Variants in ABTB2 observed in about 807,000 individuals in gnomAD.
ABTB2 encodes ankyrin repeat and BTB domain containing 2, also known as ankyrin repeat and BTB/POZ domain-containing protein 2.
Under a neutral mutation model 104.1 loss-of-function variants are expected in ABTB2, and 56 were observed. That is an observed-to-expected ratio of 0.54 (90% CI 0.43 to 0.67). ABTB2 has a LOEUF of 0.67. ABTB2 is among the 30% of genes least tolerant of loss of function. ABTB2 has a pLI of 0.00. For synonymous variants in ABTB2, 606 were observed against 608.2 expected (o/e 1.00, Z 0.05); for missense variants, 1,279 against 1,407.7 (o/e 0.91, Z 1.46).
At chr11:34,282,253 G>C (rs1041300959) in intron 1 of ABTB2, among the ~76,000 whole-genome samples, 2 of 152,126 alleles carry the variant, frequency 1.3e-5, no homozygotes, top group African/African-American at 4.8e-5. Flanking sequence ...TATGAATCTG[G>C]GGTGGGGAGG....
intron 1 of ABTB2, among the ~76,000 whole-genome samples, chr11:34,247,587 A>G (rs1393676522): frequency 1.3e-5 from 2 of 152,222 alleles, no homozygotes; most frequent in Admixed American, 6.5e-5. Context: ...TATATTTTCA[A>G]TTTACAATGG....
Position 34,232,982 on chromosome 11 carries a change from C to T in ABTB2, c.884-28292G>A, listed in dbSNP as rs150886641. On this transcript the variant is annotated intron_variant, in intron 1 of 16. Coordinates refer to ENST00000435224, the MANE Select transcript of ABTB2 (RefSeq NM_145804.3). ...CTCAAAAAACCCCCTAACCTCCCCC[C>T]AAAACCCCAAATGCCCCGCAAAACA... Among the ~76,000 whole-genome samples, 298 of 151,624 alleles carry T rather than the reference C, an allele frequency of 2.0e-3. 2 individuals are homozygous for T. Among genetic ancestry groups the T allele is most frequent in the African/African-American group, 7.0e-3 (291 of 41,326 alleles).
At chr11:34,185,177 G>T (rs1853081370) in intron 3 of ABTB2, among the ~76,000 whole-genome samples, 1 of 152,218 alleles carries the variant, frequency 6.6e-6, no homozygotes, top group Non-Finnish European at 1.5e-5. Flanking sequence ...ATTGTCAGCT[G>T]AAGAGTTTCT....
intron 1 of ABTB2, among the ~76,000 whole-genome samples, chr11:34,319,887 C>G (rs1421270547): frequency 3.3e-5 from 5 of 152,054 alleles, no homozygotes; most frequent in Non-Finnish European, 1.5e-5. Flanking sequence ...AGGCTGGTCT[C>G]GAACTCCTGA....
At chr11:34,297,071 A>T (rs1854631456) in intron 1 of ABTB2, among the ~76,000 whole-genome samples, 1 of 152,230 alleles carries the variant, frequency 6.6e-6, no homozygotes, top group African/African-American at 2.4e-5. Context: ...AAAAGGACTT[A>T]CCATGCAAAG....
chr11:34,330,357 T>G (rs1396867946), intron 1 of ABTB2, among the ~76,000 whole-genome samples: 1 of 152,220 alleles, frequency 6.6e-6, no homozygotes, highest in Non-Finnish European at 1.5e-5. Flanking sequence ...CTCAGTTTCC[T>G]TCTTTGTAAA....
chr11:34,274,905 C>T (rs1854366035), intron 1 of ABTB2, among the ~76,000 whole-genome samples: 1 of 152,140 alleles, frequency 6.6e-6, no homozygotes, highest in Admixed American at 6.5e-5. Flanking sequence ...GCCAGCCATT[C>T]CAGACTAAGC....
chr11:34,181,821 T>G (rs1234539414), intron 3 of ABTB2, among the ~76,000 whole-genome samples: 1 of 152,188 alleles, frequency 6.6e-6, no homozygotes, highest in Non-Finnish European at 1.5e-5. Context: ...AGGCAAGAGA[T>G]GACGATCAAG....
chr11:34,306,643 G>T (rs1854776184), intron 1 of ABTB2, among the ~76,000 whole-genome samples: 1 of 151,952 alleles, frequency 6.6e-6, no homozygotes, highest in African/African-American at 2.4e-5. Flanking sequence ...AGGATGGCTT[G>T]AGCCCAGGAG....
chr11:34,340,808 C>A (rs1855253452), intron 1 of ABTB2, among the ~76,000 whole-genome samples: 2 of 152,222 alleles, frequency 1.3e-5, no homozygotes, highest in Admixed American at 6.5e-5. Flanking sequence ...AAGAGCTCAC[C>A]TCCCATGGTG....
chr11:34,295,035 T>C (rs1199714499), intron 1 of ABTB2, among the ~76,000 whole-genome samples: 1 of 152,062 alleles, frequency 6.6e-6, no homozygotes, highest in Non-Finnish European at 1.5e-5. Context: ...AATTTAAACA[T>C]TAGCCAGGCA....
intron 1 of ABTB2, among the ~76,000 whole-genome samples, chr11:34,225,327 C>A (rs2133053028): frequency 6.6e-6 from 1 of 152,326 alleles, no homozygotes; most frequent in East Asian, 1.9e-4. Flanking sequence ...AAGAATTAAA[C>A]TGTCATGCTG....
intron 1 of ABTB2, among the ~76,000 whole-genome samples, chr11:34,227,286 G>GAAAAAAAAAAAAA: frequency 8.0e-6 from 1 of 125,210 alleles, no homozygotes. Flanking sequence ...AAAAAAAAAA[G>GAAAAAAAAAAAAA]AAAAAAAAAA....
Position 34,152,420 on chromosome 11 carries a change from G to A in ABTB2, c.3045C>T (p.Arg1015=), listed in dbSNP as rs116440254. The stretch of plus-strand genomic sequence containing the variant: ...GGGAGGTGATGTAGACAGAGTGCAC[G>A]CGCTCTGCCAGGGTGTTCTGCAGGT... ...LQDLQNTLAE[R]VHSVYITSRV The change falls in exon 17 of 17, where the codon CGC becomes CGT. Residue 1015 remains arginine, a synonymous_variant. Transcript: ENST00000435224. The A allele has an allele frequency of 8.9e-4, 1,413 of 1,586,326 alleles. 7 individuals are homozygous for A. In the African/African-American group the frequency reaches 0.016, roughly 18 times the overall value.
chr11:34,280,287 G>GGAGCTAA (rs1485642190), intron 1 of ABTB2, among the ~76,000 whole-genome samples: 1 of 152,120 alleles, frequency 6.6e-6, no homozygotes, highest in Admixed American at 6.5e-5. Context: ...GGGTGAGTCT[G>GGAGCTAA]GAGCTAAGAC....
chr11:34,233,854 G>A (rs1172414205), intron 1 of ABTB2, among the ~76,000 whole-genome samples: 5 of 152,016 alleles, frequency 3.3e-5, no homozygotes, highest in African/African-American at 4.8e-5. Flanking sequence ...ATCACAAACC[G>A]AATTTGAGAA....
chr11:34,347,310 C>T (rs1023274257), intron 1 of ABTB2, among the ~76,000 whole-genome samples: 19 of 152,086 alleles, frequency 1.2e-4, no homozygotes, highest in African/African-American at 4.6e-4. Context: ...GTGGTGCCTG[C>T]CTATAATCTC....
chr11:34,356,895 G>T lies in ABTB2; in HGVS notation c.689C>A (p.Ser230Tyr), dbSNP rs779326192. The change falls in exon 1 of 17, where the codon TCC (serine) becomes TAC (tyrosine). Residue 230 changes from serine to tyrosine, a missense_variant. Coordinates refer to ENST00000435224, the MANE Select transcript of ABTB2 (RefSeq NM_145804.3). The surrounding 1 kb of genome is among the most constrained non-coding windows in gnomAD (Gnocchi z 4.6). The stretch of plus-strand genomic sequence containing the variant: ...CAGGTTCTCCATGCAGGCGGTGAGG[G>T]AGATGGCTGCGTACTCGTGGATGCG... ...SVRIHEYAAI[S>Y]LTACMENLVE... 23 of 1,603,584 alleles carry T rather than the reference G, an allele frequency of 1.4e-5. No homozygotes were observed. Among genetic ancestry groups the T allele is most frequent in the Non-Finnish European group, 1.8e-5 (21 of 1,174,990 alleles).
At position 34,252,911 on chromosome 11, in the gene ABTB2, T is replaced by C. The variant is rs1422473531; in HGVS notation, c.884-48221A>G. On this transcript the variant is annotated intron_variant, in intron 1 of 16. Transcript: ENST00000435224. The surrounding 1 kb of genome is among the most constrained non-coding windows in gnomAD (Gnocchi z 5.5). ...GGCCTGCACATGGCTCAGGGCCCGA[T>C]TCCACCCCTCCACCCCCAGGAGGAA... Among the ~76,000 whole-genome samples, 1 of 151,984 alleles carries C rather than the reference T, an allele frequency of 6.6e-6. No homozygotes were observed. Among genetic ancestry groups the C allele is most frequent in the Non-Finnish European group, 1.5e-5 (1 of 67,976 alleles).
Sources: allele counts gnomAD v4.1 joint callset (sites outside exome capture counted in the v4.1 genomes callset), GRCh38; gene constraint gnomAD v4.1.1; non-coding constraint Gnocchi (gnomAD v3.1); transcripts MANE v1.5; gene names NCBI Gene and HGNC (gene_info 2026-07-23, HGNC 2026-07-21).